The following CFAP299 variants were observed in gnomAD, a reference collection of about 807,000 sequenced individuals.
CFAP299 encodes cilia and flagella associated protein 299.
Under a neutral mutation model 27.0 loss-of-function variants are expected in CFAP299, and 21 were observed. The ratio of observed to expected loss-of-function variants is 0.78; its 90% CI spans 0.55 to 1.12. The LOEUF is 1.12. Ranked by LOEUF, CFAP299 falls within the 50% of genes most tolerant of loss-of-function variation. The pLI is 0.00. For missense variants in CFAP299, 310 were observed against 276.6 expected, an observed-to-expected ratio of 1.12 and a Z score of -0.86; for synonymous variants, 104 against 98.1, an observed-to-expected ratio of 1.06 and a Z score of -0.36.
intron 4 of CFAP299, among the ~76,000 whole-genome samples, chr4:80,903,236 G>A (rs1735016027): frequency 6.6e-6 from 1 of 152,014 alleles, no homozygotes; most frequent in African/African-American, 2.4e-5. Flanking sequence ...GAAATGAGCT[G>A]TTGTTCTTAC....
chr4:80,591,471 A>G (rs1010631164), intron 3 of CFAP299, among the ~76,000 whole-genome samples: 4 of 152,186 alleles, frequency 2.6e-5, no homozygotes, highest in African/African-American at 9.6e-5. Flanking sequence ...CATGCAGCGA[A>G]GAGGTCGAAC....
intron 3 of CFAP299, among the ~76,000 whole-genome samples, chr4:80,737,660 C>G (rs538090580): frequency 6.6e-6 from 1 of 151,704 alleles, no homozygotes; most frequent in Admixed American, 6.6e-5. Context: ...ATCTTAGTAT[C>G]CTCTGTCTTT....
intron 2 of CFAP299, among the ~76,000 whole-genome samples, chr4:80,529,769 A>G (rs986440234): frequency 7.2e-5 from 11 of 151,968 alleles, no homozygotes; most frequent in African/African-American, 2.2e-4. Context: ...TTGGCAAACA[A>G]GTCAGGTGCA....
intron 2 of CFAP299, among the ~76,000 whole-genome samples, chr4:80,455,436 G>T (rs1431909472): frequency 3.3e-5 from 5 of 151,860 alleles, no homozygotes; most frequent in Non-Finnish European, 7.4e-5. Context: ...AGGAATTTTT[G>T]CATACATATT....
In CFAP299 at chr4:80,348,429, A is replaced by G. The variant is rs189570412; in HGVS notation, c.111+12550A>G. ...TATCCAGAATCTACAAGAAACTTAAACAAATTTACAAGAATAAAACAATCC... is the reference window on the plus strand; with the variant it reads ...TATCCAGAATCTACAAGAAACTTAAGCAAATTTACAAGAATAAAACAATCC... On this transcript the variant is annotated intron_variant, in intron 1 of 5. Transcript: ENST00000358105. 4.7e-4 allele frequency among the ~76,000 whole-genome samples: 71 copies of G among 152,350 alleles called. 1 individual carries two copies. The East Asian group carries it at 0.01, about 22-fold the overall frequency.
At chr4:80,852,360 C>A (rs376684401) in intron 3 of CFAP299, among the ~76,000 whole-genome samples, 1 of 152,104 alleles carries the variant, frequency 6.6e-6, no homozygotes. Context: ...GCAAGCCTTT[C>A]AGGTGATTCT....
In CFAP299 at chr4:80,428,899, T is replaced by A. The variant is rs537171383; in HGVS notation, c.242+66015T>A. Among the ~76,000 whole-genome samples the A allele has an allele frequency of 1.6e-4, 24 of 152,332 alleles. No individual in the cohort carries two copies. The South Asian group carries it at 3.9e-3, about 25-fold the overall frequency. Reference sequence around the variant, plus strand: ...AGGTAAACTAATATTTCCAGAATTATTGACACTCTGTACACAATGTGTGTG... The same window carrying A: ...AGGTAAACTAATATTTCCAGAATTAATGACACTCTGTACACAATGTGTGTG... On this transcript the variant is annotated intron_variant, in intron 2 of 5. Coordinates refer to ENST00000358105, the MANE Select transcript of CFAP299 (RefSeq NM_152770.3).
chr4:80,898,042 T>C (rs1560467839), intron 4 of CFAP299, among the ~76,000 whole-genome samples: 1 of 151,980 alleles, frequency 6.6e-6, no homozygotes, highest in Non-Finnish European at 1.5e-5. Context: ...TCCAGTGGGG[T>C]GCCCAGAACC....
At chr4:80,637,485 T>C (rs1739508399) in intron 3 of CFAP299, among the ~76,000 whole-genome samples, 1 of 152,170 alleles carries the variant, frequency 6.6e-6, no homozygotes, top group African/African-American at 2.4e-5. Context: ...CGGTGGAACC[T>C]TTTTCTGTAC....
At chr4:80,951,455 T>G (rs553808902) in intron 5 of CFAP299, among the ~76,000 whole-genome samples, 1 of 152,328 alleles carries the variant, frequency 6.6e-6, no homozygotes, top group African/African-American at 2.4e-5. Flanking sequence ...TCACAATTGT[T>G]CAAACATAAC....
At chr4:80,687,665 G>A (rs1337535382) in intron 3 of CFAP299, among the ~76,000 whole-genome samples, 5 of 152,140 alleles carry the variant, frequency 3.3e-5, no homozygotes, top group African/African-American at 9.7e-5. Flanking sequence ...ACACAGAGCA[G>A]GGCATTCTGG....
chr4:80,613,985 C>T lies in CFAP299; in HGVS notation c.333+30802C>T, dbSNP rs149589749. ...AGGCACATGTTTGATTCATTTTCTC[C>T]AGTTTATTTAATGTATTATTATTGT... On this transcript the variant is annotated intron_variant, in intron 3 of 5. Transcript: ENST00000358105. Among the ~76,000 whole-genome samples the T allele has an allele frequency of 1.2e-4, 19 of 152,228 alleles. 1 individual carries two copies. In the East Asian group the frequency reaches 3.1e-3, roughly 25 times the overall value.
intron 4 of CFAP299, among the ~76,000 whole-genome samples, chr4:80,915,855 C>T (rs533320184): frequency 6.6e-6 from 1 of 152,078 alleles, no homozygotes; most frequent in Admixed American, 6.6e-5. Context: ...TCCATATTCT[C>T]TTCTTACCAT....
chr4:80,693,841 A>G (rs532424892), intron 3 of CFAP299, among the ~76,000 whole-genome samples: 1 of 151,708 alleles, frequency 6.6e-6, no homozygotes, highest in East Asian at 1.9e-4. Context: ...TCATCTGTTA[A>G]TAAAAAAAAA....
chr4:80,909,040 G>C (rs948998127), intron 4 of CFAP299, among the ~76,000 whole-genome samples: 1 of 152,090 alleles, frequency 6.6e-6, no homozygotes, highest in Non-Finnish European at 1.5e-5. Context: ...CATAGGTAAA[G>C]CTTCATGCTA....
chr4:80,662,479 T>A (rs182563490), intron 3 of CFAP299, among the ~76,000 whole-genome samples: 2 of 151,554 alleles, frequency 1.3e-5, no homozygotes, highest in African/African-American at 4.8e-5. Flanking sequence ...GGATAGAGGA[T>A]AATAGGCATC....
chr4:80,901,020 A>C (rs1164388423), intron 4 of CFAP299, among the ~76,000 whole-genome samples: 2 of 152,100 alleles, frequency 1.3e-5, no homozygotes, highest in Non-Finnish European at 2.9e-5. Context: ...AAGGGTTTGC[A>C]ATAAAAAAGC....
chr4:80,741,007 C>T (rs935208373), intron 3 of CFAP299, among the ~76,000 whole-genome samples: 1 of 152,172 alleles, frequency 6.6e-6, no homozygotes, highest in Non-Finnish European at 1.5e-5. Context: ...GATTTGGTGA[C>T]CCCAAGAGCT....
intron 3 of CFAP299, among the ~76,000 whole-genome samples, chr4:80,591,115 T>A (rs1323901799): frequency 2.8e-5 from 4 of 142,502 alleles, no homozygotes; most frequent in South Asian, 2.4e-4. Context: ...ATTTTTTTTT[T>A]TTTTTTTTTT....
Sources: gnomAD v4.1 joint callset for allele counts (sites outside exome capture counted in the v4.1 genomes callset) on GRCh38, gnomAD v4.1.1 for gene constraint, MANE v1.5 for transcripts, NCBI Gene and HGNC (gene_info 2026-07-23, HGNC 2026-07-21) for gene names.